Variants in STX3 observed in about 807,000 individuals in gnomAD.
STX3 encodes syntaxin 3.
A neutral mutation model predicts 40.2 loss-of-function variants in STX3; 19 were observed. That is an observed-to-expected ratio of 0.47 (90% confidence interval 0.33 to 0.69). STX3 has a LOEUF of 0.69. Among genes scored for constraint, STX3 ranks in the 30% least tolerant of loss-of-function variants. STX3 has a pLI of 0.02. For synonymous variants in STX3, 122 were observed against 132.2 expected (o/e 0.92, Z 0.53); for missense variants, 364 against 366.7 (o/e 0.99, Z 0.06).
upstream of STX3, chr11:59,755,147 T>C (rs144281691): frequency 5.9e-3 from 921 of 155,154 alleles, 12 homozygotes; most frequent in African/African-American, 0.021. Context: ...AGCCAGACAG[T>C]CGCTCTTGCT....
rs1312141608 is a variant in STX3 at position 59,805,459 on chromosome 11, G to A, written c.*4635G>A. 2 of 152,240 alleles carry A rather than the reference G, an allele frequency of 1.3e-5. No individual in the cohort carries two copies. The highest frequency in any genetic ancestry group is 2.1e-4 in the South Asian group (1 of 4,828). The allele number at this position is 152,240 out of a possible 1,614,324, so 9.4% of individuals were successfully genotyped here. On this transcript the variant is annotated 3_prime_UTR_variant, in exon 11 of 11. Transcript: ENST00000337979. ...GATTAAAAATATTTTGGTCAGTGCT[G>A]TTTTCTACCCACCTTCAAAAGCCAA...
At chr11:59,780,391 G>C (rs983102361) in intron 2 of STX3, among the ~76,000 whole-genome samples, 11 of 152,172 alleles carry the variant, frequency 7.2e-5, no homozygotes, top group Non-Finnish European at 1.3e-4. Flanking sequence ...TCAGACATCA[G>C]ATTTGCCAGT....
At chr11:59,761,305 G>A (rs1231181968) in intron 1 of STX3, among the ~76,000 whole-genome samples, 1 of 152,158 alleles carries the variant, frequency 6.6e-6, no homozygotes, top group African/African-American at 2.4e-5. Context: ...CTCAGTTCCA[G>A]TGTCATCCAG....
intron 1 of STX3, among the ~76,000 whole-genome samples, chr11:59,765,464 A>T (rs549502910): frequency 1.3e-4 from 20 of 152,176 alleles, no homozygotes; most frequent in African/African-American, 4.6e-4. Context: ...CCAGACCCTC[A>T]TTTGGAGGGA....
At position 59,800,868 on chromosome 11, in the gene STX3, T is replaced by C; in HGVS notation, c.*44T>C. On this transcript the variant is annotated 3_prime_UTR_variant, in exon 11 of 11. Coordinates refer to ENST00000337979, the MANE Select transcript of STX3 (RefSeq NM_004177.5). ...CCTGCCTCCTAGAAACTGATTTCACTCCAGACTGGTGTGGCCACCCTTGTC... is the reference window on the plus strand; with the variant it reads ...CCTGCCTCCTAGAAACTGATTTCACCCCAGACTGGTGTGGCCACCCTTGTC... 6.5e-7 allele frequency: 1 copy of C among 1,536,346 alleles called. No homozygotes were observed. The highest frequency in any genetic ancestry group is 2.0e-5 in the Admixed American group (1 of 51,002).
At chr11:59,784,547 G>A (rs1864629248) in intron 2 of STX3, among the ~76,000 whole-genome samples, 1 of 152,194 alleles carries the variant, frequency 6.6e-6, no homozygotes, top group South Asian at 2.1e-4. Flanking sequence ...ATTTACAAAA[G>A]AAAGAGGTTT....
intron 1 of STX3, among the ~76,000 whole-genome samples, chr11:59,764,883 C>CTAT (rs71454394): frequency 0.22 from 32,505 of 144,984 alleles, 3,933 homozygotes; most frequent in East Asian, 0.45. Flanking sequence ...CACACATTAT[C>CTAT]TATTATTATT....
At chr11:59,794,152 CATGA>C (rs1420653626) in intron 8 of STX3, among the ~76,000 whole-genome samples, 2 of 152,046 alleles carry the variant, frequency 1.3e-5, no homozygotes, top group Non-Finnish European at 2.9e-5. Context: ...CAGACAACAA[CATGA>C]ATGAAGGAGT....
chr11:59,769,829 CGT>C (rs148844771), intron 1 of STX3, among the ~76,000 whole-genome samples: 12,051 of 148,174 alleles, frequency 0.081, 1,097 homozygotes, highest in African/African-American at 0.22. Context: ...ATAGTGTACA[CGT>C]GTGTGTGTGT....
In STX3 at chr11:59,799,682, C is replaced by A. The variant is rs189167144; in HGVS notation, c.*31-1173C>A. 14 of 985,468 alleles carry A rather than the reference C, an allele frequency of 1.4e-5. No individual in the cohort carries two copies. In the Admixed American group the frequency reaches 7.4e-4, roughly 52 times the overall value. The allele number at this position is 985,468 out of a possible 1,614,324, so 61.0% of individuals were successfully genotyped here. On this transcript the variant is annotated intron_variant, in intron 10 of 10. Transcript: ENST00000337979. ...CTTTTATATTTGTTTCAGTGTGTCTCTTCTTATTCCTCCTCCTTCCATGTG... is the reference window on the plus strand; with the variant it reads ...CTTTTATATTTGTTTCAGTGTGTCTATTCTTATTCCTCCTCCTTCCATGTG...
At position 59,755,628 on chromosome 11, in the gene STX3, T is replaced by A. The variant is rs1050352983; in HGVS notation, c.23T>A (p.Leu8Gln). 1 of 1,594,100 alleles carries A rather than the reference T, an allele frequency of 6.3e-7. No individual in the cohort carries two copies. Among genetic ancestry groups the A allele is most frequent in the Non-Finnish European group, 8.5e-7 (1 of 1,176,178 alleles). MKDRLEQ[L>Q]KAKQLTQDDD... ...AGGATGAAGGACCGTCTGGAGCAGC[T>A]GAAGGCCGTGAGTTTCGCCGCAGGC... is the stretch of plus-strand genomic sequence containing the variant. Residue 8 changes from leucine (L) to glutamine (Q), a missense_variant, in exon 1 of 11, where the codon CTG becomes CAG. Physicochemically the swap from Leu to Gln is moderately radical, Grantham distance 113. Coordinates refer to ENST00000337979, the MANE Select transcript of STX3 (RefSeq NM_004177.5).
intron 2 of STX3, among the ~76,000 whole-genome samples, chr11:59,780,641 A>C (rs868708262): frequency 6.6e-6 from 1 of 151,898 alleles, no homozygotes; most frequent in African/African-American, 2.4e-5. Context: ...CTGCTGGTCA[A>C]CTCCACCATG....
intron 1 of STX3, among the ~76,000 whole-genome samples, chr11:59,769,742 A>G (rs1310530093): frequency 1.3e-5 from 2 of 152,044 alleles, no homozygotes; most frequent in South Asian, 2.1e-4. Context: ...GCTTCTGGAA[A>G]CTTCCTTTAA....
At chr11:59,787,493 C>T (rs1165497415) in intron 3 of STX3, among the ~76,000 whole-genome samples, 1 of 152,172 alleles carries the variant, frequency 6.6e-6, no homozygotes, top group African/African-American at 2.4e-5. Context: ...TTTCCTAGCC[C>T]TCTTTCTGAA....
At chr11:59,762,172 C>T (rs977271110) in intron 1 of STX3, among the ~76,000 whole-genome samples, 1 of 152,186 alleles carries the variant, frequency 6.6e-6, no homozygotes, top group Non-Finnish European at 1.5e-5. Context: ...CGGCAGGGCT[C>T]CGGCATCTGT....
At chr11:59,775,490 C>T (rs1281924899) in intron 2 of STX3, among the ~76,000 whole-genome samples, 1 of 152,152 alleles carries the variant, frequency 6.6e-6, no homozygotes, top group African/African-American at 2.4e-5. Context: ...TTCTTCTGAG[C>T]CAGTCAGAGG....
At position 59,803,299 on chromosome 11, in the gene STX3, A is replaced by G. The variant is rs1009620587; in HGVS notation, c.*2475A>G. On this transcript the variant is annotated 3_prime_UTR_variant, in exon 11 of 11. Transcript: ENST00000337979. ...CATTGGGAGCATATTTGCCTGAAAA[A>G]GGTGAGCCATCTGTGGGGAGGGTCA... 4.9e-6 allele frequency: 6 copies of G among 1,231,454 alleles called. No individual in the cohort carries two copies. The highest frequency in any genetic ancestry group is 6.2e-4 in the Middle Eastern group (2 of 3,230). The allele number at this position is 1,231,454 out of a possible 1,614,324, so 76.3% of individuals were successfully genotyped here. A position where few individuals can be genotyped will look rare whatever the true frequency, so the allele number is the denominator to read the frequency against.
chr11:59,802,248 A>G lies in STX3; in HGVS notation c.*1424A>G, dbSNP rs1865912523. 1 of 985,422 alleles carries G rather than the reference A, an allele frequency of 1.0e-6. No homozygotes were observed. Among genetic ancestry groups the G allele is most frequent in the Non-Finnish European group, 1.2e-6 (1 of 830,006 alleles). 61.0% of individuals were successfully genotyped at this position (985,422 alleles called of 1,614,324 possible). A position where few individuals can be genotyped will look rare whatever the true frequency, so the allele number is the denominator to read the frequency against. On this transcript the variant is annotated 3_prime_UTR_variant, in exon 11 of 11. Coordinates refer to ENST00000337979, the MANE Select transcript of STX3 (RefSeq NM_004177.5). ...TTCTTATCATGGAAACAGCAGCAGC[A>G]GCCGCTAGGAAATCTTCAAGTGTAG... is the stretch of plus-strand genomic sequence containing the variant.
intron 3 of STX3, among the ~76,000 whole-genome samples, chr11:59,788,660 C>T (rs745390960): frequency 6.6e-6 from 1 of 152,076 alleles, no homozygotes; most frequent in Non-Finnish European, 1.5e-5. Flanking sequence ...TATTTTTATT[C>T]TGTAGACTGA....
Sources: gnomAD v4.1 joint callset for allele counts (sites outside exome capture counted in the v4.1 genomes callset) on GRCh38, gnomAD v4.1.1 for gene constraint, MANE v1.5 for transcripts, NCBI Gene and HGNC (gene_info 2026-07-23, HGNC 2026-07-21) for gene names.